The following ACTR3C variants were observed in gnomAD, a reference collection of about 807,000 sequenced individuals.
ACTR3C encodes the protein actin-related protein 3C.
A neutral mutation model predicts 26.3 loss-of-function variants in ACTR3C; 18 were observed. The ratio of observed to expected loss-of-function variants is 0.68; its 90% CI spans 0.47 to 1.01. The LOEUF is 1.01. Ranked by LOEUF, ACTR3C falls within the 50% of genes least tolerant of loss-of-function variation. The pLI is 0.00. For synonymous variants in ACTR3C, 55 were observed against 94.5 expected, an observed-to-expected ratio of 0.58 and a Z score of 2.42; for missense variants, 184 against 250.7, an observed-to-expected ratio of 0.73 and a Z score of 1.80.
the ACTR3C span, among the ~76,000 whole-genome samples, chr7:150,090,651 A>C: frequency 6.7e-6 from 1 of 149,658 alleles, no homozygotes; most frequent in African/African-American, 2.4e-5. Context: ...TGGGCATTAT[A>C]GCAACTAGTC....
the ACTR3C span, among the ~76,000 whole-genome samples, chr7:150,127,737 TATTA>T: frequency 6.6e-6 from 1 of 152,230 alleles, no homozygotes; most frequent in African/African-American, 2.4e-5. Context: ...TTCAATTATT[TATTA>T]AAGTAAACCT....
the ACTR3C span, among the ~76,000 whole-genome samples, chr7:150,031,798 C>T: frequency 2.6e-5 from 4 of 152,064 alleles, no homozygotes; most frequent in African/African-American, 4.8e-5. Context: ...CCTGTGCACC[C>T]GGCCAGTGAG....
chr7:150,015,289 C>A, the ACTR3C span, among the ~76,000 whole-genome samples: 1 of 152,114 alleles, frequency 6.6e-6, no homozygotes, highest in African/African-American at 2.4e-5. Context: ...TCCAAGCAGA[C>A]CACACAGTCC....
intron 6 of ACTR3C, among the ~76,000 whole-genome samples, chr7:150,282,792 C>T (rs1305541871): frequency 4.3e-5 from 6 of 139,206 alleles, no homozygotes; most frequent in African/African-American, 1.8e-4. Context: ...AGGAGGATCG[C>T]TTGAGCCCGA....
chr7:150,267,842 G>A (rs1834155401), intron 6 of ACTR3C, among the ~76,000 whole-genome samples: 1 of 152,158 alleles, frequency 6.6e-6, no homozygotes. Flanking sequence ...GTGCCTTCCT[G>A]GAGCAGGGGC....
rs183359982 is a variant in ACTR3C, at chr7:150,253,755, G to A, written c.565-4701C>T. On this transcript the variant is annotated intron_variant, in intron 6 of 7. Transcript: ENST00000683684. ...CCTTTTTAGTGGCAAGCGGCCCATC[G>A]GTATTGGCTATTGATAATAATTGAA... 5.4e-3 allele frequency among the ~76,000 whole-genome samples: 813 copies of A among 151,930 alleles called. 5 individuals are homozygous for A. The highest frequency in any genetic ancestry group is 0.018 in the African/African-American group (759 of 41,324).
chr7:150,009,950 G>A, the ACTR3C span, among the ~76,000 whole-genome samples: 1 of 152,220 alleles, frequency 6.6e-6, no homozygotes, highest in Non-Finnish European at 1.5e-5. Context: ...GAAAAGCACA[G>A]TTCAGCTCCC....
the ACTR3C span, among the ~76,000 whole-genome samples, chr7:150,088,553 G>T: frequency 9.9e-5 from 15 of 152,168 alleles, no homozygotes; most frequent in Non-Finnish European, 2.2e-4. Context: ...CAGGACAGTT[G>T]CTTAATGTTT....
At chr7:150,263,244 G>A (rs535425856) in intron 6 of ACTR3C, among the ~76,000 whole-genome samples, 4 of 151,996 alleles carry the variant, frequency 2.6e-5, no homozygotes, top group East Asian at 1.9e-4. Flanking sequence ...GTCCAGTGGC[G>A]ATCTGGGGCC....
the ACTR3C span, among the ~76,000 whole-genome samples, chr7:149,999,031 C>T: frequency 6.6e-6 from 1 of 150,430 alleles, no homozygotes; most frequent in Admixed American, 6.7e-5. Context: ...GCTGCCTCCA[C>T]AAGCCCCCAG....
chr7:150,037,922 G>A, the ACTR3C span, among the ~76,000 whole-genome samples: 3 of 138,158 alleles, frequency 2.2e-5, no homozygotes, highest in African/African-American at 8.1e-5. Context: ...CGCGTCGCGA[G>A]GGGTGCCTCC....
the ACTR3C span, among the ~76,000 whole-genome samples, chr7:149,947,608 G>A: frequency 8.8e-5 from 9 of 102,722 alleles, 1 homozygote; most frequent in African/African-American, 4.6e-4. Flanking sequence ...GGAGGGCTTC[G>A]CTAGGTGCTT....
the ACTR3C span, among the ~76,000 whole-genome samples, chr7:150,080,523 GTGTA>G: frequency 8.9e-3 from 1,224 of 137,884 alleles, 22 homozygotes; most frequent in African/African-American, 0.033. Context: ...GTGTTTGTGT[GTGTA>G]TGTGTGTGTG....
the ACTR3C span, among the ~76,000 whole-genome samples, chr7:150,048,319 C>T: frequency 1.3e-5 from 2 of 152,120 alleles, no homozygotes; most frequent in Non-Finnish European, 2.9e-5. Flanking sequence ...TCCTCCTCCA[C>T]CCCGGCCCCT....
At chr7:150,070,324 C>T in the ACTR3C span, among the ~76,000 whole-genome samples, 1 of 152,154 alleles carries the variant, frequency 6.6e-6, no homozygotes, top group African/African-American at 2.4e-5. Context: ...GGGCCTTCCA[C>T]GGCACTGGAC....
At chr7:150,210,335 T>C in the ACTR3C span, among the ~76,000 whole-genome samples, 1 of 150,968 alleles carries the variant, frequency 6.6e-6, no homozygotes, top group Non-Finnish European at 1.5e-5. Context: ...GTTGAACATA[T>C]GCCTACTGTA....
the ACTR3C span, among the ~76,000 whole-genome samples, chr7:150,135,075 T>G: frequency 1.2e-3 from 180 of 152,312 alleles, no homozygotes; most frequent in African/African-American, 4.1e-3. Flanking sequence ...ATTACAGGTG[T>G]GAGCCACCGC....
the ACTR3C span, among the ~76,000 whole-genome samples, chr7:149,906,450 T>TCG: frequency 4.5e-5 from 4 of 89,648 alleles, no homozygotes; most frequent in Admixed American, 2.4e-4. Context: ...TTTTTTTTTT[T>TCG]AGATGGAGCC....
intron 6 of ACTR3C, among the ~76,000 whole-genome samples, chr7:150,258,648 A>G (rs1454982583): frequency 1.3e-5 from 2 of 152,222 alleles, no homozygotes; most frequent in Non-Finnish European, 2.9e-5. Context: ...ATCATGGAGA[A>G]AGGCCAAGTG....
Sources: allele counts gnomAD v4.1 joint callset (sites outside exome capture counted in the v4.1 genomes callset), GRCh38; gene constraint gnomAD v4.1.1; transcripts MANE v1.5; gene names NCBI Gene and HGNC (gene_info 2026-07-23, HGNC 2026-07-21).